The following STK32A variants were observed in gnomAD, a reference collection of about 807,000 sequenced individuals.
STK32A encodes the protein serine/threonine-protein kinase 32A.
Under a neutral mutation model 53.2 loss-of-function variants are expected in STK32A, and 41 were observed. The observed-to-expected ratio is 0.77, with a 90% CI of 0.60 to 1.00. The LOEUF (loss-of-function observed/expected upper bound fraction) is 1.00, where lower values mean the gene tolerates loss of function less well. STK32A is among the 50% of genes least tolerant of loss of function. The pLI is 0.00. For missense variants in STK32A, 458 were observed against 485.8 expected (o/e 0.94, Z 0.54); for synonymous variants, 166 against 162.8 (o/e 1.02, Z -0.15).
intron 4 of STK32A, among the ~76,000 whole-genome samples, chr5:147,301,244 T>G (rs116590593): frequency 0.02 from 3,068 of 152,214 alleles, 55 homozygotes; most frequent in Non-Finnish European, 0.03. Context: ...GGTTGGGAGA[T>G]CTGATCATGG....
intron 4 of STK32A, among the ~76,000 whole-genome samples, chr5:147,315,826 A>G (rs1005935402): frequency 6.6e-6 from 1 of 152,218 alleles, no homozygotes; most frequent in African/African-American, 2.4e-5. Context: ...GACTTTTCTC[A>G]GTATACCTTG....
chr5:147,361,364 G>A (rs951483804), intron 7 of STK32A, among the ~76,000 whole-genome samples, 153 bp from the exon 8 acceptor site: 6 of 152,168 alleles, frequency 3.9e-5, no homozygotes, highest in African/African-American at 1.4e-4. Flanking sequence ...AGAAATGTTT[G>A]CCTGCTGTGA....
chr5:147,398,956 G>A, the STK32A span: 1 of 1,298,888 alleles, frequency 7.7e-7, no homozygotes, highest in Non-Finnish European at 1.1e-6. Context: ...AGATTTAGGG[G>A]ATGGATTATT....
chr5:147,343,215 A>G, intron 6 of STK32A, 172 bp downstream of exon 6: 1 of 781,878 alleles, frequency 1.3e-6, no homozygotes, highest in Non-Finnish European at 2.3e-6. Flanking sequence ...ATGGCAGGTT[A>G]TAGTACAACA....
At chr5:147,266,719 T>C (rs1321548933) in intron 2 of STK32A, among the ~76,000 whole-genome samples, 1 of 152,128 alleles carries the variant, frequency 6.6e-6, no homozygotes, top group Middle Eastern at 3.2e-3. Context: ...TTTTGCTTAA[T>C]GTTTTGGCAA....
chr5:147,283,897 A>G (rs1561692314), intron 4 of STK32A, among the ~76,000 whole-genome samples: 1 of 151,976 alleles, frequency 6.6e-6, no homozygotes, highest in African/African-American at 2.4e-5. Flanking sequence ...TTTTGACACT[A>G]AGGAAACCTC....
chr5:147,355,410 C>T (rs1172476121), intron 7 of STK32A, among the ~76,000 whole-genome samples: 1 of 151,936 alleles, frequency 6.6e-6, no homozygotes, highest in African/African-American at 2.4e-5. Context: ...CGCGGTGGCT[C>T]ACCCTGTAAT....
the STK32A span, chr5:147,395,669 TCAAA>T: frequency 6.2e-7 from 1 of 1,613,984 alleles, no homozygotes; most frequent in Non-Finnish European, 8.5e-7. Context: ...GGTGGTCAGG[TCAAA>T]CACAGGCCCA....
chr5:147,260,204 CTCTCTCTCCT>C, intron 2 of STK32A, among the ~76,000 whole-genome samples: 3 of 63,944 alleles, frequency 4.7e-5, no homozygotes, highest in Admixed American at 1.7e-4. Flanking sequence ...TCTCTCTCCT[CTCTCTCTCCT>C]CTCTCTCTCT....
chr5:147,331,827 G>A (rs750223276), intron 5 of STK32A, among the ~76,000 whole-genome samples: 6 of 152,100 alleles, frequency 3.9e-5, no homozygotes, highest in East Asian at 1.9e-4. Context: ...TTGATGTGAT[G>A]GGTCCACCAG....
rs535235829 is a variant in STK32A at position 147,286,192 on chromosome 5, T to A, written c.260+6794T>A. Among the ~76,000 whole-genome samples the A allele has an allele frequency of 5.3e-5, 8 of 151,954 alleles. No homozygotes were observed. The South Asian group carries it at 1.7e-3, about 32-fold the overall frequency. On this transcript the variant is annotated intron_variant, in intron 4 of 12. Transcript: ENST00000397936. ...TTCAGGAATTGAAAACCAAACATCA[T>A]ATGTTCTCACTGATATGTGGAAGCT... is the stretch of plus-strand genomic sequence containing the variant.
At chr5:147,253,458 G>A (rs1311295606) in intron 2 of STK32A, among the ~76,000 whole-genome samples, 5 of 152,146 alleles carry the variant, frequency 3.3e-5, no homozygotes, top group Non-Finnish European at 7.4e-5. Flanking sequence ...TTGCTGTGGA[G>A]GTTTCTGTAC....
chr5:147,245,815 TCTA>T (rs1237151181), intron 2 of STK32A, among the ~76,000 whole-genome samples: 1 of 152,210 alleles, frequency 6.6e-6, no homozygotes, highest in East Asian at 1.9e-4. Context: ...AACTCAGTGT[TCTA>T]CTTTTATTTG....
At chr5:147,352,549 G>C (rs1472495360) in intron 7 of STK32A, among the ~76,000 whole-genome samples, 1 of 152,172 alleles carries the variant, frequency 6.6e-6, no homozygotes, top group Non-Finnish European at 1.5e-5. Context: ...GTGTCCTCGA[G>C]GGGGCACACA....
chr5:147,283,250 A>G (rs773107548), intron 4 of STK32A, among the ~76,000 whole-genome samples: 5 of 152,160 alleles, frequency 3.3e-5, no homozygotes, highest in Non-Finnish European at 5.9e-5. Context: ...ACTGAATGAC[A>G]ATAATGACAC....
chr5:147,330,997 C>T (rs1042537627), intron 5 of STK32A, among the ~76,000 whole-genome samples: 26 of 152,174 alleles, frequency 1.7e-4, no homozygotes, highest in African/African-American at 6.0e-4. Context: ...TTAGCAGTCA[C>T]ATTTTATTTT....
chr5:147,395,424 T>C, the STK32A span: 1 of 1,087,506 alleles, frequency 9.2e-7, no homozygotes. Flanking sequence ...CCCAGTAACC[T>C]TCTCCCTAAA....
At chr5:147,336,656 A>C (rs1247333118) in intron 5 of STK32A, among the ~76,000 whole-genome samples, 1 of 152,186 alleles carries the variant, frequency 6.6e-6, no homozygotes, top group Non-Finnish European at 1.5e-5. Flanking sequence ...CAATCTTAGG[A>C]GGATGATACC....
At chr5:147,250,467 T>C (rs908077178) in intron 2 of STK32A, among the ~76,000 whole-genome samples, 15 of 152,184 alleles carry the variant, frequency 9.9e-5, no homozygotes, top group Admixed American at 1.3e-4. Flanking sequence ...TAGTTGATCA[T>C]CCAGTTCAAC....
Sources: gnomAD v4.1 joint callset for allele counts (sites outside exome capture counted in the v4.1 genomes callset) on GRCh38, gnomAD v4.1.1 for gene constraint, MANE v1.5 for transcripts, NCBI Gene and HGNC (gene_info 2026-07-23, HGNC 2026-07-21) for gene names.